Variants in TLR9 observed in about 807,000 individuals in gnomAD.
The protein encoded by TLR9 is toll-like receptor 9.
In TLR9, 19 loss-of-function variants were observed where a neutral mutation model predicts 24.6. That is an observed-to-expected ratio of 0.77 (90% CI 0.54 to 1.13). The LOEUF (loss-of-function observed/expected upper bound fraction) is 1.13, where lower values mean the gene tolerates loss of function less well. TLR9 is among the 50% of genes most tolerant of loss of function. TLR9 has a pLI of 0.00. For synonymous variants in TLR9, 579 were observed against 609.8 expected (o/e 0.95, Z 0.74); for missense variants, 1,065 against 1,379.6 (o/e 0.77, Z 3.61).
chr3:52,221,364 G>C lies in TLR9; in HGVS notation c.2952C>G (p.Arg984=), dbSNP rs1234823070. 2 of 1,585,770 alleles carry C rather than the reference G, an allele frequency of 1.3e-6. No homozygotes were observed. Among genetic ancestry groups the C allele is most frequent in the Non-Finnish European group, 1.7e-6 (2 of 1,164,060 alleles). ...DGRRSRYVRL[R]QRLCRQSVLL... is the part of the protein sequence containing the mutation. ...GGACACTCTGGCGGCAGAGGCGCTG[G>C]CGCAGCCGCACGTAGCGGGAGCGGC... Residue 984 remains arginine, a synonymous_variant, in exon 2 of 2, where the codon CGC becomes CGG. Transcript: ENST00000360658. The surrounding 1 kb of genome is among the most constrained non-coding windows in gnomAD (Gnocchi z 9.9).
Position 52,223,780 on chromosome 3 carries a change from T to C in TLR9, c.536A>G (p.Tyr179Cys). The change falls in exon 2 of 2, where the codon TAT (tyrosine) becomes TGT (cysteine). Residue 179 changes from tyrosine (Y) to cysteine (C), a missense_variant. By Grantham distance (194) the Tyr-to-Cys change is radical. Coordinates refer to ENST00000360658, the MANE Select transcript of TLR9 (RefSeq NM_017442.4). ...TGCCTGCCTGCAGGGGTTCTTGTAATAACAGTTGCCGTCCATGAATAGGAA... is the reference window on the plus strand; with the variant it reads ...TGCCTGCCTGCAGGGGTTCTTGTAACAACAGTTGCCGTCCATGAATAGGAA... ...LRFLFMDGNC[Y>C]YKNPCRQALE... is the part of the protein sequence containing the mutation. 1 of 1,578,592 alleles carries C rather than the reference T, an allele frequency of 6.3e-7. No individual in the cohort carries two copies. The highest frequency in any genetic ancestry group is 8.6e-7 in the Non-Finnish European group (1 of 1,160,718).
In TLR9 at chr3:52,221,196, G is replaced by A. The variant is rs1385041711; in HGVS notation, c.*21C>T. Reference sequence around the variant, plus strand: ...GTGAGGTGAGTGTGGAGGTGGCACCGTGCAGGATTCCGGCTCACGGCTATT... The same window carrying A: ...GTGAGGTGAGTGTGGAGGTGGCACCATGCAGGATTCCGGCTCACGGCTATT... On this transcript the variant is annotated 3_prime_UTR_variant, in exon 2 of 2. Transcript: ENST00000360658. This position sits in a 1 kb window ranked among gnomAD's most constrained non-coding sequence, Gnocchi z 9.9. 6 of 1,509,468 alleles carry A rather than the reference G, an allele frequency of 4.0e-6. No homozygotes were observed. Among genetic ancestry groups the A allele is most frequent in the East Asian group, 4.6e-5 (2 of 43,400 alleles). The allele number at this position is 1,509,468 out of a possible 1,614,324, so 93.5% of individuals were successfully genotyped here.
At chr3:52,224,815 G>A (rs528595506) in intron 1 of TLR9, among the ~76,000 whole-genome samples, 1 of 152,350 alleles carries the variant, frequency 6.6e-6, no homozygotes, top group Admixed American at 6.5e-5. Context: ...TGCCTCCCAG[G>A]GACCCTGGCC....
rs3774413 is a variant in TLR9 at position 52,225,178 on chromosome 3, C to G, written c.3+349G>C. On this transcript the variant is annotated intron_variant, in intron 1 of 1. Transcript: ENST00000360658. ...TGACCAACATGGAGAAACCCTGGCT[C>G]TACTAAAAATACAAAATTAGCCAGG... Among the ~76,000 whole-genome samples, 50 of 152,254 alleles carry G rather than the reference C, an allele frequency of 3.3e-4. 1 individual carries two copies. The East Asian group carries it at 9.7e-3, about 29-fold the overall frequency.
chr3:52,222,859 G>C lies in TLR9; in HGVS notation c.1457C>G (p.Thr486Ser), dbSNP rs767076265. Residue 486 changes from threonine (T) to serine (S), a missense_variant, in exon 2 of 2, where the codon ACC (threonine) becomes AGC (serine). By Grantham distance (58) the Thr-to-Ser change is moderately conservative. Coordinates refer to ENST00000360658, the MANE Select transcript of TLR9 (RefSeq NM_017442.4). Reference protein sequence around the residue: ...TLDLSRNNLVTVQPEMFAQLS... With the variant: ...TLDLSRNNLVSVQPEMFAQLS... The stretch of plus-strand genomic sequence containing the variant: ...CTGGGCAAACATCTCCGGCTGCACG[G>C]TCACCAGGTTGTTCCGTGACAGATC... The C allele has an allele frequency of 6.2e-7, 1 of 1,611,148 alleles. No individual in the cohort carries two copies. The highest frequency in any genetic ancestry group is 1.1e-5 in the South Asian group (1 of 90,978).
At chr3:52,225,384 G>T in intron 1 of TLR9, 143 bp downstream of exon 1, 1 of 965,390 alleles carries the variant, frequency 1.0e-6, no homozygotes, top group Non-Finnish European at 1.5e-6. Flanking sequence ...CTTCGGCTCT[G>T]AAGTCTTCAG....
Position 52,222,099 on chromosome 3 carries a change from T to C in TLR9, c.2217A>G (p.Thr739=). The change falls in exon 2 of 2, where the codon ACA becomes ACG. Residue 739 remains threonine (T), a synonymous_variant. Transcript: ENST00000360658. ...ELNLSANALK[T]VDHSWFGPLA... is the part of the protein sequence containing the mutation. ...GGGGCCCAAACCAGGAGTGGTCCAC[T>C]GTCTTGAGGGCGTTGGCGCTAAGGT... The C allele has an allele frequency of 6.2e-7, 1 of 1,611,934 alleles. No individual in the cohort carries two copies. The highest frequency in any genetic ancestry group is 2.2e-5 in the East Asian group (1 of 44,856).
chr3:52,221,277 C>G lies in TLR9; in HGVS notation c.3039G>C (p.Leu1013=). The G allele has an allele frequency of 6.6e-7, 1 of 1,522,976 alleles. No homozygotes were observed. The highest frequency in any genetic ancestry group is 8.8e-7 in the Non-Finnish European group (1 of 1,136,528). The allele number at this position is 1,522,976 out of a possible 1,614,324, so 94.3% of individuals were successfully genotyped here. A position where few individuals can be genotyped will look rare whatever the true frequency, so the allele number is the denominator to read the frequency against. ...RSFWAQLGMA[L]TRDNHHFYNR... ...TATAGAAGTGGTGGTTGTCCCTGGTCAGGGCCATGCCCAGCTGGGCCCAGA... is the reference window on the plus strand; with the variant it reads ...TATAGAAGTGGTGGTTGTCCCTGGTGAGGGCCATGCCCAGCTGGGCCCAGA... The change falls in exon 2 of 2, where the codon CTG becomes CTC. Residue 1013 remains leucine, a synonymous_variant. Transcript: ENST00000360658. The surrounding 1 kb of genome is among the most constrained non-coding windows in gnomAD (Gnocchi z 9.9).
At position 52,224,138 on chromosome 3, in the gene TLR9, C is replaced by T. The variant is rs374677585; in HGVS notation, c.178G>A (p.Ala60Thr). 1 of 1,582,210 alleles carries T rather than the reference C, an allele frequency of 6.3e-7. No homozygotes were observed. ...AGGCTGGTGACATTGCCACGGGGTGCTGCCATGGAGAAGTGGGGCACAGAC... is the reference window on the plus strand; with the variant it reads ...AGGCTGGTGACATTGCCACGGGGTGTTGCCATGGAGAAGTGGGGCACAGAC... ...LKSVPHFSMA[A>T]PRGNVTSLSL... Residue 60 changes from alanine (A) to threonine (T), a missense_variant, in exon 2 of 2, where the codon GCA becomes ACA. Coordinates refer to ENST00000360658, the MANE Select transcript of TLR9 (RefSeq NM_017442.4).
Position 52,225,420 on chromosome 3 carries a change from TGTGGGTGACAACCC to T in TLR9, c.3+93_3+106del, listed in dbSNP as rs148805533. The stretch of plus-strand genomic sequence containing the variant: ...GATTCAGTGAGTGTCCCCAGGGCCA[TGTGGGTGACAACCC>T]GTCACTGTTGCTTGCAGCTGCCAAG... On this transcript the variant is annotated intron_variant, in intron 1 of 1. Coordinates refer to ENST00000360658, the MANE Select transcript of TLR9 (RefSeq NM_017442.4). 1.7e-3 allele frequency: 2,419 copies of T among 1,434,262 alleles called. 44 individuals are homozygous for T. In the African/African-American group the frequency reaches 0.031, roughly 18 times the overall value. 88.8% of individuals were successfully genotyped at this position (1,434,262 alleles called of 1,614,324 possible).
At chr3:52,224,564 C>G (rs1699602450) in intron 1 of TLR9, among the ~76,000 whole-genome samples, 1 of 152,206 alleles carries the variant, frequency 6.6e-6, no homozygotes, top group African/African-American at 2.4e-5. Context: ...GACTTATGAT[C>G]TACAGCTTTC....
At chr3:52,225,018 C>A (rs1274592613) in intron 1 of TLR9, among the ~76,000 whole-genome samples, 2 of 152,234 alleles carry the variant, frequency 1.3e-5, no homozygotes, top group Non-Finnish European at 1.5e-5. Flanking sequence ...GTCTCCTCGT[C>A]CCCTCTGGGG....
At position 52,222,899 on chromosome 3, in the gene TLR9, G is replaced by T; in HGVS notation, c.1417C>A (p.Leu473Ile). Reference sequence around the variant, plus strand: ...CGTGACAGATCCAAGGTGAAGTTGAGGGTGCTGCAGTTGGGCCTGAAGTCT... The same window carrying T: ...CGTGACAGATCCAAGGTGAAGTTGATGGTGCTGCAGTTGGGCCTGAAGTCT... ...SEDFRPNCST[L>I]NFTLDLSRNN... Residue 473 changes from leucine to isoleucine, a missense_variant, in exon 2 of 2, where the codon CTC becomes ATC. Transcript: ENST00000360658. The T allele has an allele frequency of 6.2e-7, 1 of 1,605,200 alleles. No individual in the cohort carries two copies.
chr3:52,225,439 CTG>C (rs757645912), intron 1 of TLR9, 86 bp downstream of exon 1: 19 of 1,576,692 alleles, frequency 1.2e-5, no homozygotes, highest in Non-Finnish European at 1.6e-5. Context: ...CAACCCGTCA[CTG>C]TTGCTTGCAG....
chr3:52,225,549 T>C lies in TLR9; in HGVS notation c.-20A>G, dbSNP rs1256752652. 6.3e-7 allele frequency: 1 copy of C among 1,578,852 alleles called. No individual in the cohort carries two copies. The highest frequency in any genetic ancestry group is 1.2e-5 in the South Asian group (1 of 86,532). ...TACCATGCTGGGGGGCAGGGGCTTCTCCAGAGGGTCTGGCGGGCAGACTGG... is the reference window on the plus strand; with the variant it reads ...TACCATGCTGGGGGGCAGGGGCTTCCCCAGAGGGTCTGGCGGGCAGACTGG... On this transcript the variant is annotated 5_prime_UTR_variant, in exon 1 of 2. Transcript: ENST00000360658.
rs200793650 is a variant in TLR9, at chr3:52,223,767, G to A, written c.549C>T (p.Pro183=). 19 of 1,572,562 alleles carry A rather than the reference G, an allele frequency of 1.2e-5. No individual in the cohort carries two copies. Among genetic ancestry groups the A allele is most frequent in the Non-Finnish European group, 1.6e-5 (19 of 1,157,926 alleles). ...GGGCCACCTCCAGTGCCTGCCTGCA[G>A]GGGTTCTTGTAATAACAGTTGCCGT... ...FMDGNCYYKN[P]CRQALEVAPG... is the part of the protein sequence containing the mutation. Residue 183 remains proline (P), a synonymous_variant, in exon 2 of 2, where the codon CCC becomes CCT. Coordinates refer to ENST00000360658, the MANE Select transcript of TLR9 (RefSeq NM_017442.4).
At position 52,222,796 on chromosome 3, in the gene TLR9, C is replaced by T. The variant is rs1699576250; in HGVS notation, c.1520G>A (p.Cys507Tyr). The change falls in exon 2 of 2, where the codon TGC becomes TAC. Residue 507 changes from cysteine to tyrosine, a missense_variant. Transcript: ENST00000360658. ...GGAGCCATTGACTGCCTGCGAGATG[C>T]AGTTGTGGCTCAGGCGCAGGCACTG... is the stretch of plus-strand genomic sequence containing the variant. ...HLQCLRLSHN[C>Y]ISQAVNGSQF... 1 of 1,613,964 alleles carries T rather than the reference C, an allele frequency of 6.2e-7. No individual in the cohort carries two copies. Among genetic ancestry groups the T allele is most frequent in the Non-Finnish European group, 8.5e-7 (1 of 1,180,038 alleles).
chr3:52,224,404 CCT>C, intron 1 of TLR9, 92 bp from the exon 2 acceptor site: 1 of 1,039,332 alleles, frequency 9.6e-7, no homozygotes, highest in Non-Finnish European at 1.4e-6. Context: ...TCTTCCAACC[CCT>C]CTCTCCAAGC....
At position 52,221,222 on chromosome 3, in the gene TLR9, C is replaced by T. The variant is rs144798707; in HGVS notation, c.3094G>A (p.Glu1032Lys). 10 of 1,511,434 alleles carry T rather than the reference C, an allele frequency of 6.6e-6. No homozygotes were observed. The African/African-American group carries it at 8.4e-5, about 13-fold the overall frequency. 93.6% of individuals were successfully genotyped at this position (1,511,434 alleles called of 1,614,324 possible). A position where few individuals can be genotyped will look rare whatever the true frequency, so the allele number is the denominator to read the frequency against. Residue 1032 changes from glutamate to lysine, a missense_variant, in exon 2 of 2, where the codon GAA becomes AAA. Physicochemically the swap from Glu to Lys is moderately conservative, Grantham distance 56 (BLOSUM62 1). Transcript: ENST00000360658. This position sits in a 1 kb window ranked among gnomAD's most constrained non-coding sequence, Gnocchi z 9.9. ...NRNFCQGPTAE is the reference protein window; with the variant it reads ...NRNFCQGPTAK ...TGCAGGATTCCGGCTCACGGCTATT[C>T]GGCCGTGGGTCCCTGGCAGAAGTTC...
Sources: gnomAD v4.1 joint callset for allele counts (sites outside exome capture counted in the v4.1 genomes callset) on GRCh38, gnomAD v4.1.1 for gene constraint, Gnocchi (gnomAD v3.1) non-coding constraint, MANE v1.5 for transcripts, NCBI Gene and HGNC (gene_info 2026-07-23, HGNC 2026-07-21) for gene names.